The following ADAM18 variants were observed in gnomAD, a reference collection of about 807,000 sequenced individuals.
ADAM18 encodes the protein ADAM metallopeptidase domain 18, also known as disintegrin and metalloproteinase domain-containing protein 18.
In ADAM18, 117 loss-of-function variants were observed where a neutral mutation model predicts 94.4. The ratio of observed to expected loss-of-function variants is 1.24; its 90% CI spans 1.07 to 1.45. The LOEUF (loss-of-function observed/expected upper bound fraction) is 1.45. Among genes scored for constraint, ADAM18 ranks in the 40% most tolerant of loss-of-function variants. The probability of loss-of-function intolerance (pLI) is 0.00; values close to 1 mark genes in which losing one functional copy is unlikely to be tolerated. For synonymous variants in ADAM18, 327 were observed against 291.6 expected, an observed-to-expected ratio of 1.12 and a Z score of -1.24; for missense variants, 936 against 880.0, an observed-to-expected ratio of 1.06 and a Z score of -0.81.
intron 6 of ADAM18, among the ~76,000 whole-genome samples, chr8:39,620,451 A>G (rs567415091): frequency 6.7e-6 from 1 of 149,106 alleles, no homozygotes; most frequent in East Asian, 1.9e-4. Flanking sequence ...CAAAAACACT[A>G]CAACAAACTA....
chr8:39,664,163 G>A (rs1820928699), intron 13 of ADAM18, among the ~76,000 whole-genome samples: 1 of 152,158 alleles, frequency 6.6e-6, no homozygotes, highest in Non-Finnish European at 1.5e-5. Context: ...CATGATGCAT[G>A]TGAGATTTAT....
intron 18 of ADAM18, among the ~76,000 whole-genome samples, chr8:39,715,915 CA>C (rs950344186): frequency 4.6e-5 from 7 of 152,010 alleles, no homozygotes; most frequent in African/African-American, 1.7e-4. Flanking sequence ...GAAATAGAAG[CA>C]GGGGTGTGAC....
intron 6 of ADAM18, among the ~76,000 whole-genome samples, chr8:39,614,059 A>G (rs1025829392): frequency 6.6e-6 from 1 of 152,208 alleles, no homozygotes; most frequent in Non-Finnish European, 1.5e-5. Flanking sequence ...ATATTTGAGG[A>G]TATTTTTCAC....
intron 6 of ADAM18, among the ~76,000 whole-genome samples, chr8:39,622,362 T>G (rs186012567): frequency 5.1e-4 from 77 of 150,756 alleles, no homozygotes; most frequent in Non-Finnish European, 8.3e-4. Flanking sequence ...ATTGAAAATG[T>G]TCACAATTTT....
chr8:39,634,288 T>A (rs1347445991), intron 7 of ADAM18, among the ~76,000 whole-genome samples: 2 of 152,130 alleles, frequency 1.3e-5, no homozygotes, highest in African/African-American at 4.8e-5. Flanking sequence ...GTGGCATGGC[T>A]ACTTCCACCT....
chr8:39,629,121 A>G (rs969145632), intron 6 of ADAM18, among the ~76,000 whole-genome samples: 1 of 151,800 alleles, frequency 6.6e-6, no homozygotes, highest in South Asian at 2.1e-4. Context: ...GTGTATTTTT[A>G]TGTTTATGTT....
At chr8:39,682,987 T>A (rs1177738611) in intron 16 of ADAM18, among the ~76,000 whole-genome samples, 1 of 152,190 alleles carries the variant, frequency 6.6e-6, no homozygotes, top group East Asian at 1.9e-4. Context: ...CCCTTTATAA[T>A]ACACATTCCC....
intron 18 of ADAM18, among the ~76,000 whole-genome samples, chr8:39,719,281 A>G (rs1202882628): frequency 6.6e-6 from 1 of 151,460 alleles, no homozygotes. Context: ...TTATATATTT[A>G]TATGTAAAAA....
At chr8:39,716,957 C>T (rs2129581621) in intron 18 of ADAM18, among the ~76,000 whole-genome samples, 1 of 151,994 alleles carries the variant, frequency 6.6e-6, no homozygotes, top group East Asian at 1.9e-4. Context: ...TCTACTGTGA[C>T]ACTTTTTGAC....
At chr8:39,695,739 C>G (rs1322412071) in intron 17 of ADAM18, among the ~76,000 whole-genome samples, 1 of 151,256 alleles carries the variant, frequency 6.6e-6, no homozygotes, top group Non-Finnish European at 1.5e-5. Flanking sequence ...CAAGCTCCAT[C>G]CATGTTGTAT....
At chr8:39,619,927 T>C (rs1054209107) in intron 6 of ADAM18, among the ~76,000 whole-genome samples, 3 of 151,914 alleles carry the variant, frequency 2.0e-5, no homozygotes, top group African/African-American at 7.2e-5. Flanking sequence ...ACCCCAAATA[T>C]CTAAAGCAAT....
chr8:39,669,628 T>C (rs952958281), intron 14 of ADAM18, among the ~76,000 whole-genome samples: 3 of 151,950 alleles, frequency 2.0e-5, no homozygotes, highest in African/African-American at 4.8e-5. Flanking sequence ...TCCGTGTCCC[T>C]ACAAAGGACA....
intron 10 of ADAM18, among the ~76,000 whole-genome samples, chr8:39,639,188 C>T (rs1255097526): frequency 1.3e-5 from 2 of 151,900 alleles, no homozygotes; most frequent in African/African-American, 4.8e-5. Context: ...CGAGTTTATG[C>T]ATAGGTATAA....
intron 11 of ADAM18, among the ~76,000 whole-genome samples, chr8:39,646,208 A>G (rs1820369769): frequency 6.6e-6 from 1 of 152,128 alleles, no homozygotes; most frequent in South Asian, 2.1e-4. Context: ...GCTATCTGAG[A>G]CGATTGTCTA....
chr8:39,599,279 T>C (rs781363652), intron 2 of ADAM18, among the ~76,000 whole-genome samples: 4 of 152,208 alleles, frequency 2.6e-5, no homozygotes, highest in Admixed American at 6.5e-5. Flanking sequence ...GTATAAAATA[T>C]GTAAATAGTT....
chr8:39,719,029 A>C (rs1029538247), intron 18 of ADAM18, among the ~76,000 whole-genome samples: 3 of 150,820 alleles, frequency 2.0e-5, no homozygotes, highest in Non-Finnish European at 4.5e-5. Flanking sequence ...AGGACCAAGA[A>C]TAGTTAAAAT....
intron 2 of ADAM18, among the ~76,000 whole-genome samples, chr8:39,596,731 GTAT>G (rs1433038007): frequency 6.6e-6 from 1 of 152,152 alleles, no homozygotes; most frequent in African/African-American, 2.4e-5. Flanking sequence ...AGTATGTGTA[GTAT>G]TGTAAGAAAC....
At chr8:39,590,243 T>A (rs1248427540) in intron 2 of ADAM18, among the ~76,000 whole-genome samples, 1 of 149,836 alleles carries the variant, frequency 6.7e-6, no homozygotes, top group East Asian at 1.9e-4. Flanking sequence ...CACCATGGAA[T>A]ACTATGCAGC....
intron 2 of ADAM18, among the ~76,000 whole-genome samples, chr8:39,593,809 G>C (rs762448796): frequency 6.6e-6 from 1 of 152,016 alleles, no homozygotes. Flanking sequence ...TGCATTATTT[G>C]ATACTAATAT....
Sources: gnomAD v4.1 joint callset for allele counts (sites outside exome capture counted in the v4.1 genomes callset) on GRCh38, gnomAD v4.1.1 for gene constraint, MANE v1.5 for transcripts, NCBI Gene and HGNC (gene_info 2026-07-23, HGNC 2026-07-21) for gene names.